The following NAV2 variants were observed in gnomAD, a reference collection of about 807,000 sequenced individuals.
NAV2 encodes helicase, APC down-regulated 1.
Under a neutral mutation model 223.2 loss-of-function variants are expected in NAV2, and 54 were observed. That is an observed-to-expected ratio of 0.24 (90% CI 0.19 to 0.30). NAV2 has a LOEUF of 0.30. Ranked by LOEUF, NAV2 falls within the 10% of genes least tolerant of loss-of-function variation. NAV2 has a pLI of 1.00. For missense variants in NAV2, 2,806 were observed against 3,147.5 expected (o/e 0.89, Z 2.60); for synonymous variants, 1,279 against 1,239.3 (o/e 1.03, Z -0.67).
intron 11 of NAV2, among the ~76,000 whole-genome samples, chr11:19,993,753 A>G (rs1317447268): frequency 6.6e-6 from 1 of 152,240 alleles, no homozygotes; most frequent in African/African-American, 2.4e-5. Context: ...ATGAAGGAAC[A>G]TAATAGTTGA....
In NAV2 at chr11:20,058,647, A is replaced by G. The variant is rs913049441; in HGVS notation, c.4831+2690A>G. Among the ~76,000 whole-genome samples the G allele has an allele frequency of 3.3e-5, 5 of 152,230 alleles. 1 individual carries two copies. The highest frequency in any genetic ancestry group is 1.2e-4 in the African/African-American group (5 of 41,462). ...TATTAATCAAGAAAGCTTGTATTGC[A>G]GCATGCTTGTGTATCTAGGCCCTGA... On this transcript the variant is annotated intron_variant, in intron 19 of 37. Transcript: ENST00000349880.
chr11:19,463,729 G>A (rs1176116904), intron 1 of NAV2, among the ~76,000 whole-genome samples: 1 of 152,192 alleles, frequency 6.6e-6, no homozygotes, highest in Non-Finnish European at 1.5e-5. Context: ...TGGTGATGAG[G>A]GAGAAGGGCA....
At chr11:19,706,143 C>T (rs969251559) in intron 1 of NAV2, among the ~76,000 whole-genome samples, 1 of 152,162 alleles carries the variant, frequency 6.6e-6, no homozygotes, top group Non-Finnish European at 1.5e-5. Flanking sequence ...ACAGCCTTCT[C>T]CCACCTACAG....
In NAV2 at chr11:19,849,602, A is replaced by G. The variant is rs547507694; in HGVS notation, c.438+6679A>G. 5.3e-5 allele frequency among the ~76,000 whole-genome samples: 8 copies of G among 152,302 alleles called. No homozygotes were observed. The East Asian group carries it at 1.2e-3, about 22-fold the overall frequency. On this transcript the variant is annotated intron_variant, in intron 3 of 37. Coordinates refer to ENST00000349880, the MANE Select transcript of NAV2 (RefSeq NM_145117.5). ...GGCCCAGTGACCTTGAGCCCTCCCA[A>G]CAGCTGCCAGAAAGCCGGCCACATG...
intron 1 of NAV2, among the ~76,000 whole-genome samples, chr11:19,560,667 A>T (rs960905586): frequency 2.6e-5 from 4 of 152,260 alleles, no homozygotes; most frequent in African/African-American, 9.6e-5. Context: ...ATATTGGTTT[A>T]TGACTATTAA....
chr11:20,067,771 T>C (rs1383373436), intron 20 of NAV2, among the ~76,000 whole-genome samples: 1 of 151,868 alleles, frequency 6.6e-6, no homozygotes, highest in African/African-American at 2.4e-5. Context: ...ATGTCAGGCA[T>C]GAGCTACCAT....
At chr11:19,872,999 A>T (rs933230233) in intron 4 of NAV2, among the ~76,000 whole-genome samples, 8 of 152,198 alleles carry the variant, frequency 5.3e-5, no homozygotes, top group Non-Finnish European at 1.2e-4. Flanking sequence ...ACCACCTGTC[A>T]CAGCCATCTG....
At chr11:19,749,013 G>A (rs920226313) in intron 1 of NAV2, among the ~76,000 whole-genome samples, 8 of 152,192 alleles carry the variant, frequency 5.3e-5, no homozygotes, top group South Asian at 4.1e-4. Context: ...GCCATTCAGA[G>A]GTCTTCTTGT....
chr11:19,401,648 G>A (rs61878094), intron 1 of NAV2, among the ~76,000 whole-genome samples: 1 of 152,128 alleles, frequency 6.6e-6, no homozygotes, highest in East Asian at 1.9e-4. Flanking sequence ...ATTTAAGATG[G>A]ACTCAGGATT....
At chr11:19,690,536 A>T (rs753575355) in intron 1 of NAV2, among the ~76,000 whole-genome samples, 5 of 152,232 alleles carry the variant, frequency 3.3e-5, no homozygotes, top group Non-Finnish European at 7.3e-5. Flanking sequence ...TAGAATCAGA[A>T]TCAACACGTA....
At chr11:19,919,087 C>A (rs187339869) in intron 6 of NAV2, among the ~76,000 whole-genome samples, 1 of 152,034 alleles carries the variant, frequency 6.6e-6, no homozygotes, top group African/African-American at 2.4e-5. Context: ...AAACATGCAA[C>A]GTTGTGGTTA....
chr11:19,778,948 T>A (rs1834325), intron 1 of NAV2, among the ~76,000 whole-genome samples: 112,799 of 151,958 alleles, frequency 0.74, 45,959 homozygotes, highest in Non-Finnish European at 0.91. Context: ...AATGCTTTTT[T>A]AAAAAGAAGA....
intron 18 of NAV2, 71 bp downstream of exon 18, chr11:20,054,311 T>A (rs1419340851): frequency 2.9e-6 from 4 of 1,399,398 alleles, no homozygotes; most frequent in Non-Finnish European, 3.8e-6. Flanking sequence ...ATACATAACA[T>A]ATTTTTATTT....
At chr11:19,905,061 C>A (rs2042756716) in intron 6 of NAV2, among the ~76,000 whole-genome samples, 1 of 152,114 alleles carries the variant, frequency 6.6e-6, no homozygotes, top group Non-Finnish European at 1.5e-5. Context: ...TAAAAGTATT[C>A]ATTCATTCCA....
intron 1 of NAV2, among the ~76,000 whole-genome samples, chr11:19,686,487 AG>A (rs1273178129): frequency 1.3e-5 from 2 of 152,308 alleles, no homozygotes; most frequent in African/African-American, 4.8e-5. Context: ...TCCAGGTCAT[AG>A]GGGTTGCCTG....
intron 12 of NAV2, among the ~76,000 whole-genome samples, chr11:20,038,689 T>TCCAA (rs2153572105): frequency 6.6e-6 from 1 of 152,278 alleles, no homozygotes; most frequent in Admixed American, 6.5e-5. Flanking sequence ...TGTCACATAC[T>TCCAA]GGTTTACCCT....
intron 1 of NAV2, among the ~76,000 whole-genome samples, chr11:19,433,689 T>A (rs1045222011): frequency 1.3e-5 from 2 of 151,976 alleles, no homozygotes; most frequent in African/African-American, 4.8e-5. Context: ...CCATGGGGAG[T>A]CTCTGATTAG....
At chr11:19,426,752 A>G (rs965275672) in intron 1 of NAV2, among the ~76,000 whole-genome samples, 1 of 152,112 alleles carries the variant, frequency 6.6e-6, no homozygotes, top group Non-Finnish European at 1.5e-5. Flanking sequence ...TCCTCCCACA[A>G]CTGCTGTTTT....
intron 1 of NAV2, among the ~76,000 whole-genome samples, chr11:19,508,314 T>C (rs1041599528): frequency 6.6e-6 from 1 of 152,138 alleles, no homozygotes; most frequent in African/African-American, 2.4e-5. Flanking sequence ...TCCACTCTAA[T>C]GGCCCTTCCT....
Sources: gnomAD v4.1 joint callset for allele counts (sites outside exome capture counted in the v4.1 genomes callset) on GRCh38, gnomAD v4.1.1 for gene constraint, MANE v1.5 for transcripts, NCBI Gene and HGNC (gene_info 2026-07-23, HGNC 2026-07-21) for gene names.